TECRL: variants seen among roughly 807,000 people sequenced by gnomAD.
TECRL encodes trans-2,3-enoyl-CoA reductase like, also known as trans-2,3-enoyl-CoA reductase-like.
A neutral mutation model predicts 52.8 loss-of-function variants in TECRL; 63 were observed. The observed-to-expected ratio is 1.19, with a 90% CI of 0.97 to 1.47. TECRL has a LOEUF of 1.47. TECRL is among the 40% of genes most tolerant of loss of function. The pLI, the probability that TECRL is intolerant of heterozygous loss-of-function variation, is 0.00. For missense variants in TECRL, 482 were observed against 429.6 expected, an observed-to-expected ratio of 1.12 and a Z score of -1.08; for synonymous variants, 164 against 141.9, an observed-to-expected ratio of 1.16 and a Z score of -1.10.
intron 1 of TECRL, among the ~76,000 whole-genome samples, chr4:64,404,321 A>G (rs1724568906): frequency 6.6e-6 from 1 of 151,718 alleles, no homozygotes; most frequent in Non-Finnish European, 1.5e-5. Context: ...GGAAACATTT[A>G]CCATTTATCA....
At chr4:64,344,412 G>C (rs545038859) in intron 2 of TECRL, among the ~76,000 whole-genome samples, 2 of 151,928 alleles carry the variant, frequency 1.3e-5, no homozygotes, top group African/African-American at 2.4e-5. Context: ...GTGCATTTTT[G>C]AGAAGCTCTG....
chr4:64,278,440 AT>A lies in TECRL; in HGVS notation c.*1631del, dbSNP rs1257981098. ...TTTAAATGTCAAAACTTTAAAAAAT[AT>A]TTACTTTAAAAATCAGATACTTTTT... On this transcript the variant is annotated 3_prime_UTR_variant, in exon 12 of 12. Transcript: ENST00000381210. 1.6e-5 allele frequency: 4 copies of A among 246,312 alleles called. No individual in the cohort carries two copies. The highest frequency in any genetic ancestry group is 2.6e-5 in the Non-Finnish European group (4 of 154,434). The allele number at this position is 246,312 out of a possible 1,614,324, so 15.3% of individuals were successfully genotyped here.
At chr4:64,356,524 C>T (rs7698280) in intron 2 of TECRL, among the ~76,000 whole-genome samples, 40,498 of 152,012 alleles carry the variant, frequency 0.27, 5,592 homozygotes, top group South Asian at 0.38. Context: ...GATGTTTAGG[C>T]GGAGAGAAAC....
intron 1 of TECRL, among the ~76,000 whole-genome samples, chr4:64,390,296 A>G (rs1723461502): frequency 6.6e-6 from 1 of 151,950 alleles, no homozygotes. Context: ...AAATGTTCAA[A>G]TCGCTGTGTT....
At chr4:64,306,689 G>T (rs1724360022) in intron 6 of TECRL, among the ~76,000 whole-genome samples, 1 of 152,124 alleles carries the variant, frequency 6.6e-6, no homozygotes, top group Non-Finnish European at 1.5e-5. Flanking sequence ...AGACCCACTG[G>T]CACTGTAAAG....
intron 8 of TECRL, among the ~76,000 whole-genome samples, chr4:64,297,333 C>T (rs757244608): frequency 6.6e-5 from 10 of 151,072 alleles, no homozygotes; most frequent in African/African-American, 1.9e-4. Context: ...TTTTACATAA[C>T]GACAGGAACA....
intron 2 of TECRL, among the ~76,000 whole-genome samples, chr4:64,329,866 T>C (rs1718509993): frequency 6.6e-6 from 1 of 151,806 alleles, no homozygotes; most frequent in Non-Finnish European, 1.5e-5. Context: ...ATTTGTAAGA[T>C]TGAATATAGT....
intron 2 of TECRL, among the ~76,000 whole-genome samples, chr4:64,369,405 G>A (rs558546872): frequency 6.6e-6 from 1 of 152,086 alleles, no homozygotes; most frequent in East Asian, 1.9e-4. Context: ...AACCAATTGT[G>A]AACTATGTTC....
intron 2 of TECRL, among the ~76,000 whole-genome samples, chr4:64,344,399 C>G (rs966055191): frequency 7.3e-5 from 11 of 151,610 alleles, no homozygotes; most frequent in Admixed American, 2.0e-4. Flanking sequence ...TCTGAAATTC[C>G]TGGTGCATTT....
intron 4 of TECRL, among the ~76,000 whole-genome samples, chr4:64,316,912 T>C (rs1186253126): frequency 2.0e-5 from 3 of 152,356 alleles, no homozygotes; most frequent in African/African-American, 7.2e-5. Context: ...TTGTTTGTAC[T>C]AGGCAAGCAA....
intron 2 of TECRL, among the ~76,000 whole-genome samples, chr4:64,357,506 A>G (rs1437537981): frequency 6.6e-6 from 1 of 151,534 alleles, no homozygotes; most frequent in African/African-American, 2.4e-5. Flanking sequence ...ATTCTCTGAT[A>G]TTCAGATATT....
At chr4:64,325,624 A>T (rs551673273) in intron 3 of TECRL, among the ~76,000 whole-genome samples, 1 of 152,302 alleles carries the variant, frequency 6.6e-6, no homozygotes, top group South Asian at 2.1e-4. Context: ...TGATATCAAA[A>T]TTGTCAGTAG....
At chr4:64,384,023 A>T (rs1272649146) in intron 1 of TECRL, among the ~76,000 whole-genome samples, 2 of 151,974 alleles carry the variant, frequency 1.3e-5, no homozygotes, top group African/African-American at 4.8e-5. Flanking sequence ...TGTGGTACTC[A>T]GAGGCTTAGG....
intron 2 of TECRL, among the ~76,000 whole-genome samples, chr4:64,351,469 T>C (rs1256002224): frequency 1.3e-5 from 2 of 152,056 alleles, no homozygotes; most frequent in Non-Finnish European, 2.9e-5. Flanking sequence ...GGATGAGGTC[T>C]CACTATATTG....
At chr4:64,359,212 T>G (rs886911134) in intron 2 of TECRL, among the ~76,000 whole-genome samples, 1 of 151,928 alleles carries the variant, frequency 6.6e-6, no homozygotes, top group Non-Finnish European at 1.5e-5. Context: ...GTGTGCTTAT[T>G]AAAGTTTGAG....
chr4:64,294,256 G>A (rs1219607418), intron 8 of TECRL, among the ~76,000 whole-genome samples: 1 of 151,948 alleles, frequency 6.6e-6, no homozygotes, highest in Non-Finnish European at 1.5e-5. Context: ...CAAAGAGCTG[G>A]GATTACAGGT....
chr4:64,363,289 A>C (rs1274030787), intron 2 of TECRL, among the ~76,000 whole-genome samples: 1 of 152,188 alleles, frequency 6.6e-6, no homozygotes, highest in Non-Finnish European at 1.5e-5. Flanking sequence ...TCAAGGGAGA[A>C]AACTAACAAA....
intron 8 of TECRL, among the ~76,000 whole-genome samples, chr4:64,295,051 T>A (rs1313392077): frequency 1.3e-5 from 2 of 151,732 alleles, no homozygotes; most frequent in Non-Finnish European, 2.9e-5. Flanking sequence ...ATAAACCTTT[T>A]TTCAATTTGT....
At chr4:64,383,117 G>A (rs1401978869) in intron 1 of TECRL, among the ~76,000 whole-genome samples, 6 of 151,990 alleles carry the variant, frequency 3.9e-5, no homozygotes. Context: ...GTACTTAATG[G>A]TTTCTGCTGA....
Sources: gnomAD v4.1 joint callset for allele counts (sites outside exome capture counted in the v4.1 genomes callset) on GRCh38, gnomAD v4.1.1 for gene constraint, MANE v1.5 for transcripts, NCBI Gene and HGNC (gene_info 2026-07-23, HGNC 2026-07-21) for gene names.